CCDC88C: variants seen among roughly 807,000 people sequenced by gnomAD.
CCDC88C encodes the protein protein Daple.
A neutral mutation model predicts 198.8 loss-of-function variants in CCDC88C; 131 were observed. That is an observed-to-expected ratio of 0.66 (90% CI 0.57 to 0.76). The LOEUF (loss-of-function observed/expected upper bound fraction) is 0.76, where lower values mean the gene tolerates loss of function less well. Ranked by LOEUF, CCDC88C falls within the 30% of genes least tolerant of loss-of-function variation. The probability of loss-of-function intolerance (pLI) is 0.00; values close to 1 mark genes in which losing one functional copy is unlikely to be tolerated. For synonymous variants in CCDC88C, 1,166 were observed against 1,114.7 expected, an observed-to-expected ratio of 1.05 and a Z score of -0.92; for missense variants, 2,553 against 2,631.6, an observed-to-expected ratio of 0.97 and a Z score of 0.65.
chr14:91,372,039 G>C (rs1275381606), intron 3 of CCDC88C, among the ~76,000 whole-genome samples: 1 of 152,148 alleles, frequency 6.6e-6, no homozygotes, highest in Admixed American at 6.5e-5. Flanking sequence ...CACAGCACAA[G>C]GGGTACCAGC....
chr14:91,390,749 A>C lies in CCDC88C; in HGVS notation c.270+17910T>G, dbSNP rs528688023. ...CTAAGGGAGTTACAAAGAAAAAAAA[A>C]CCCAAACAACAGATTCCAAAGCCCA... is the stretch of plus-strand genomic sequence containing the variant. On this transcript the variant is annotated intron_variant, in intron 3 of 29. Transcript: ENST00000389857. Among the ~76,000 whole-genome samples, 73 of 152,252 alleles carry C rather than the reference A, an allele frequency of 4.8e-4. 1 individual carries two copies. In the East Asian group the frequency reaches 0.013, roughly 27 times the overall value.
chr14:91,415,237 G>A (rs537751206), intron 2 of CCDC88C, among the ~76,000 whole-genome samples: 8 of 152,198 alleles, frequency 5.3e-5, no homozygotes, highest in Admixed American at 1.3e-4. Context: ...GACAGCTTCC[G>A]GAAAACTCAG....
chr14:91,383,265 G>A (rs370272208), intron 3 of CCDC88C, among the ~76,000 whole-genome samples: 3 of 152,234 alleles, frequency 2.0e-5, no homozygotes, highest in East Asian at 3.8e-4. Context: ...CCGTTCCACA[G>A]AACGGCTCAT....
intron 2 of CCDC88C, among the ~76,000 whole-genome samples, chr14:91,409,670 T>C (rs529484608): frequency 1.3e-5 from 2 of 151,870 alleles, no homozygotes; most frequent in South Asian, 2.1e-4. Flanking sequence ...GTATTTTTAG[T>C]AAAGACAGGG....
At chr14:91,359,578 C>A in intron 4 of CCDC88C, 64 bp downstream of exon 4, 3 of 1,328,972 alleles carry the variant, frequency 2.3e-6, no homozygotes. Context: ...CGATGGCCAG[C>A]AGCTGCCCAA....
In CCDC88C at chr14:91,339,748, G is replaced by T; in HGVS notation, c.624+136C>A. Reference sequence around the variant, plus strand: ...CATGCACTGCAGGGGCCGTAACCAGGGAAAGCACGCACGTCCCACCCCCAC... The same window carrying T: ...CATGCACTGCAGGGGCCGTAACCAGTGAAAGCACGCACGTCCCACCCCCAC... On this transcript the variant is annotated intron_variant, in intron 7 of 29. Coordinates refer to ENST00000389857, the MANE Select transcript of CCDC88C (RefSeq NM_001080414.4). This position sits in a 1 kb window ranked among gnomAD's most constrained non-coding sequence, Gnocchi z 5.8. The T allele has an allele frequency of 8.8e-7, 1 of 1,137,628 alleles. No individual in the cohort carries two copies. The highest frequency in any genetic ancestry group is 1.2e-6 in the Non-Finnish European group (1 of 826,586). The allele number at this position is 1,137,628 out of a possible 1,614,324, so 70.5% of individuals were successfully genotyped here.
rs527463292 is a variant in CCDC88C at position 91,352,382 on chromosome 14, G to A, written c.340+7260C>T. ...CACCTTCCTAGGAAAGGAAAGCCTC[G>A]GCTCCTGGCTTAAGTGCCCCAGCAC... On this transcript the variant is annotated intron_variant, in intron 4 of 29. Coordinates refer to ENST00000389857, the MANE Select transcript of CCDC88C (RefSeq NM_001080414.4). The surrounding 1 kb of genome is among the most constrained non-coding windows in gnomAD (Gnocchi z 4.2). Among the ~76,000 whole-genome samples, 22 of 152,262 alleles carry A rather than the reference G, an allele frequency of 1.4e-4. No individual in the cohort carries two copies. The highest frequency in any genetic ancestry group is 3.9e-4 in the Admixed American group (6 of 15,302).
At chr14:91,388,354 G>A (rs1885277463) in intron 3 of CCDC88C, among the ~76,000 whole-genome samples, 1 of 152,188 alleles carries the variant, frequency 6.6e-6, no homozygotes. Context: ...AGGGGACTGG[G>A]CCTCGTGGCT....
At chr14:91,301,025 C>T (rs1891255231) in intron 20 of CCDC88C, among the ~76,000 whole-genome samples, 1 of 152,190 alleles carries the variant, frequency 6.6e-6, no homozygotes, top group African/African-American at 2.4e-5. Flanking sequence ...TTCAGGACTC[C>T]ACTGCACCTT....
At chr14:91,293,240 C>T (rs1311447704) in intron 23 of CCDC88C, among the ~76,000 whole-genome samples, 2 of 143,190 alleles carry the variant, frequency 1.4e-5, no homozygotes, top group Admixed American at 7.0e-5. Context: ...GCCCCCTCAC[C>T]TGCCATGGCC....
At chr14:91,332,136 G>T (rs991052917) in intron 10 of CCDC88C, among the ~76,000 whole-genome samples, 1 of 152,172 alleles carries the variant, frequency 6.6e-6, no homozygotes, top group African/African-American at 2.4e-5. Flanking sequence ...CATCCACTCC[G>T]CTCAGGATGC....
At chr14:91,402,722 C>CA (rs1383193784) in intron 3 of CCDC88C, among the ~76,000 whole-genome samples, 1 of 152,112 alleles carries the variant, frequency 6.6e-6, no homozygotes, top group African/African-American at 2.4e-5. Flanking sequence ...GAAAAGGTCT[C>CA]AAGCAAATAT....
chr14:91,325,095 A>G lies in CCDC88C; in HGVS notation c.1198-172T>C, dbSNP rs1436351422. ...TCCCAACACAGGGCCCTGCTATGAG[A>G]GGGAAAGCCACTCAAAGGTACCCTG... is the stretch of plus-strand genomic sequence containing the variant. On this transcript the variant is annotated intron_variant, in intron 11 of 29. Transcript: ENST00000389857. The surrounding 1 kb of genome is among the most constrained non-coding windows in gnomAD (Gnocchi z 4.1). Among the ~76,000 whole-genome samples the G allele has an allele frequency of 2.0e-5, 3 of 152,272 alleles. No homozygotes were observed. In the South Asian group the frequency reaches 6.2e-4, roughly 32 times the overall value.
intron 3 of CCDC88C, among the ~76,000 whole-genome samples, chr14:91,383,189 T>C (rs1884910679): frequency 6.6e-6 from 1 of 152,176 alleles, no homozygotes; most frequent in African/African-American, 2.4e-5. Flanking sequence ...GGAAGCTGCT[T>C]CTCAAAGGTA....
At position 91,303,845 on chromosome 14, in the gene CCDC88C, T is replaced by A. The variant is rs376204201; in HGVS notation, c.3491A>T (p.Tyr1164Phe). 2.0e-5 allele frequency: 32 copies of A among 1,613,150 alleles called. No homozygotes were observed. The highest frequency in any genetic ancestry group is 2.7e-5 in the Non-Finnish European group (32 of 1,179,894). Residue 1164 changes from tyrosine to phenylalanine, a missense_variant, in exon 20 of 30, where the codon TAC becomes TTC. By Grantham distance (22) the Tyr-to-Phe change is conservative. Coordinates refer to ENST00000389857, the MANE Select transcript of CCDC88C (RefSeq NM_001080414.4). ...QRQQEQLTAA[Y>F]EALLQDHEHL... ...CTCGTGGTCCTGCAGCAGGGCCTCG[T>A]AGGCCGCTGTAAGTTGCTCCTGCTG...
chr14:91,389,738 AG>A (rs1184504047), intron 3 of CCDC88C, among the ~76,000 whole-genome samples: 48 of 150,268 alleles, frequency 3.2e-4, no homozygotes, highest in African/African-American at 1.1e-3. Context: ...AAAAAAAAAA[AG>A]AAAGAAAAAG....
intron 13 of CCDC88C, among the ~76,000 whole-genome samples, chr14:91,316,208 CCTT>C (rs1490428652): frequency 6.6e-6 from 1 of 152,198 alleles, no homozygotes; most frequent in East Asian, 1.9e-4. Flanking sequence ...CAAGCCCTGT[CCTT>C]CTTACCCCTT....
In CCDC88C at chr14:91,321,254, T is replaced by C; in HGVS notation, c.1393A>G (p.Ile465Val). 1.9e-6 allele frequency: 3 copies of C among 1,588,316 alleles called. No individual in the cohort carries two copies. Among genetic ancestry groups the C allele is most frequent in the Non-Finnish European group, 2.6e-6 (3 of 1,166,598 alleles). ...FELNECASSRILKLEKENQSL... is the reference protein window; with the variant it reads ...FELNECASSRVLKLEKENQSL... ...TGATTCTCCTTCTCCAGCTTCAGGA[T>C]GCGGCTGGACGCACATTCGTTCAGC... Residue 465 changes from isoleucine (I) to valine (V), a missense_variant, in exon 13 of 30, where the codon ATC (isoleucine) becomes GTC (valine). Coordinates refer to ENST00000389857, the MANE Select transcript of CCDC88C (RefSeq NM_001080414.4).
At chr14:91,382,597 G>A (rs1329011614) in intron 3 of CCDC88C, among the ~76,000 whole-genome samples, 1 of 152,136 alleles carries the variant, frequency 6.6e-6, no homozygotes, top group African/African-American at 2.4e-5. Flanking sequence ...AGATGACCCA[G>A]AGAAGACGGA....
Sources: gnomAD v4.1 joint callset for allele counts (sites outside exome capture counted in the v4.1 genomes callset) on GRCh38, gnomAD v4.1.1 for gene constraint, Gnocchi (gnomAD v3.1) non-coding constraint, MANE v1.5 for transcripts, NCBI Gene and HGNC (gene_info 2026-07-23, HGNC 2026-07-21) for gene names.